The following LRRC31 variants were observed in gnomAD, a reference collection of about 807,000 sequenced individuals.
LRRC31 encodes leucine-rich repeat-containing protein 31.
A neutral mutation model predicts 46.7 loss-of-function variants in LRRC31; 35 were observed. The observed-to-expected ratio is 0.75, with a 90% CI of 0.57 to 0.99. The LOEUF is 0.99. LRRC31 is among the 50% of genes least tolerant of loss of function. LRRC31 has a pLI of 0.00. For missense variants in LRRC31, 613 were observed against 626.1 expected (o/e 0.98, Z 0.22); for synonymous variants, 236 against 235.1 (o/e 1.00, Z -0.03).
At chr3:169,861,596 CTGAG>C in intron 2 of LRRC31, 70 bp downstream of exon 2, 2 of 1,494,450 alleles carry the variant, frequency 1.3e-6, no homozygotes, top group Non-Finnish European at 1.8e-6. Flanking sequence ...AGGTGGGTAG[CTGAG>C]TATGTTTTAT....
At chr3:169,852,559 C>G (rs1780819844) in intron 6 of LRRC31, among the ~76,000 whole-genome samples, 1 of 152,148 alleles carries the variant, frequency 6.6e-6, no homozygotes, top group African/African-American at 2.4e-5. Context: ...ATTCTTTTCT[C>G]AGAATGTAAG....
At chr3:169,865,642 A>G (rs977800124) in intron 1 of LRRC31, among the ~76,000 whole-genome samples, 6 of 152,234 alleles carry the variant, frequency 3.9e-5, no homozygotes, top group Admixed American at 3.9e-4. Context: ...AGAGACAGCA[A>G]GAAAGCCACC....
chr3:169,869,134 G>A lies in LRRC31; in HGVS notation c.175+499C>T, dbSNP rs1781416904. 2.0e-5 allele frequency among the ~76,000 whole-genome samples: 3 copies of A among 151,892 alleles called. No homozygotes were observed. In the South Asian group the frequency reaches 6.4e-4, roughly 32 times the overall value. On this transcript the variant is annotated intron_variant, in intron 1 of 8. Coordinates refer to ENST00000316428, the MANE Select transcript of LRRC31 (RefSeq NM_024727.4). ...ACCTGTAATCCCAGCAGTTTGGGAG[G>A]CCAAGGCAGGAAAATCACCTGAGGT... is the stretch of plus-strand genomic sequence containing the variant.
At chr3:169,843,384 A>G (rs1780509235) in intron 8 of LRRC31, among the ~76,000 whole-genome samples, 1 of 152,216 alleles carries the variant, frequency 6.6e-6, no homozygotes. Flanking sequence ...TTATTCCTAG[A>G]GCCTTCAGAT....
chr3:169,846,834 A>G lies in LRRC31; in HGVS notation c.1327+1286T>C, dbSNP rs568771758. On this transcript the variant is annotated intron_variant, in intron 8 of 8. Transcript: ENST00000316428. ...ATTTAATATGTAAAACTGTATTGCT[A>G]TTTTTCATAGCTTCTGTTTTTTAAA... Among the ~76,000 whole-genome samples the G allele has an allele frequency of 6.1e-4, 93 of 152,236 alleles. 2 individuals carry two copies. The South Asian group carries it at 0.019, about 31-fold the overall frequency.
At chr3:169,857,491 G>C (rs983787594) in intron 3 of LRRC31, among the ~76,000 whole-genome samples, 4 of 144,220 alleles carry the variant, frequency 2.8e-5, no homozygotes, top group African/African-American at 2.6e-5. Context: ...TAGAGCATCA[G>C]GCACTAGAAG....
At chr3:169,852,660 G>A (rs1259229630) in intron 6 of LRRC31, among the ~76,000 whole-genome samples, 4 of 152,132 alleles carry the variant, frequency 2.6e-5, no homozygotes, top group Admixed American at 2.0e-4. Flanking sequence ...AATTACCCTC[G>A]TTCGCTATCT....
At position 169,839,304 on chromosome 3, in the gene LRRC31, A is replaced by C. The variant is rs1780378492; in HGVS notation, c.*678T>G. The stretch of plus-strand genomic sequence containing the variant: ...CTAACAAGATATGTTTTTCATACTG[A>C]GTTTTAGATTTTTAATCACTTTTTA... On this transcript the variant is annotated 3_prime_UTR_variant, in exon 9 of 9. Coordinates refer to ENST00000316428, the MANE Select transcript of LRRC31 (RefSeq NM_024727.4). 6.6e-6 allele frequency: 1 copy of C among 152,232 alleles called. No individual in the cohort carries two copies. The highest frequency in any genetic ancestry group is 2.1e-4 in the South Asian group (1 of 4,832). 9.4% of individuals were successfully genotyped at this position (152,232 alleles called of 1,614,324 possible).
At position 169,869,648 on chromosome 3, in the gene LRRC31, C is replaced by CT. The variant is rs759670046; in HGVS notation, c.159dup (p.Ala54SerfsTer7). On this transcript the variant is annotated frameshift_variant, in exon 1 of 9. Transcript: ENST00000316428. LOFTEE classifies it high-confidence loss of function. ...AGCAGCTTACCAGTCTCTGAGGTGG[C>CT]TGTCTTCTGTATCCAGTCGCTGGGT... 19 of 1,602,408 alleles carry CT rather than the reference C, an allele frequency of 1.2e-5. No homozygotes were observed. In the African/African-American group the frequency reaches 2.3e-4, roughly 19 times the overall value.
chr3:169,860,867 A>T, intron 2 of LRRC31, 139 bp from the exon 3 acceptor site: 1 of 765,356 alleles, frequency 1.3e-6, no homozygotes, highest in Non-Finnish European at 2.1e-6. Flanking sequence ...GACTTTGGGC[A>T]AAGCAGGGAG....
chr3:169,860,834 G>A (rs1781131127), intron 2 of LRRC31, 106 bp from the exon 3 acceptor site: 2 of 1,176,810 alleles, frequency 1.7e-6, no homozygotes, highest in Non-Finnish European at 2.4e-6. Context: ...CACTGTAAGA[G>A]AATAGACAGT....
chr3:169,856,817 A>T lies in LRRC31; in HGVS notation c.543T>A (p.Ser181Arg), dbSNP rs768993550. ...ELEELNLSWN[S>R]KVGGNLPLIL... is the part of the protein sequence containing the mutation. ...TCAGAGGCAAATTTCCTCCCACTTT[A>T]CTGTTCCAAGACAAATTTAGCTCTT... is the stretch of plus-strand genomic sequence containing the variant. Residue 181 changes from serine to arginine, a missense_variant, in exon 4 of 9, where the codon AGT (serine) becomes AGA (arginine). Ser to Arg is a moderately radical substitution (Grantham distance 110). Coordinates refer to ENST00000316428, the MANE Select transcript of LRRC31 (RefSeq NM_024727.4). The T allele has an allele frequency of 1.9e-6, 3 of 1,609,798 alleles. No homozygotes were observed. Among genetic ancestry groups the T allele is most frequent in the Admixed American group, 3.4e-5 (2 of 59,488 alleles).
At chr3:169,852,423 A>AAAC (rs1780814491) in intron 6 of LRRC31, among the ~76,000 whole-genome samples, 4 of 145,534 alleles carry the variant, frequency 2.7e-5, no homozygotes, top group Admixed American at 2.0e-4. Context: ...AAAAAAAAAA[A>AAAC]AAAAAAAACT....
rs750990534 is a variant in LRRC31 at position 169,869,863 on chromosome 3, T to A, written c.-56A>T. The A allele has an allele frequency of 3.9e-5, 56 of 1,443,914 alleles. No homozygotes were observed. The highest frequency in any genetic ancestry group is 5.2e-5 in the Non-Finnish European group (56 of 1,075,100). 89.4% of individuals were successfully genotyped at this position (1,443,914 alleles called of 1,614,324 possible). A position where few individuals can be genotyped will look rare whatever the true frequency, so the allele number is the denominator to read the frequency against. Reference sequence around the variant, plus strand: ...GACATCTTCCTGTTGCTTTCTGTTTTCTAGGATTTCTAAGAAGAAAAGAAG... The same window carrying A: ...GACATCTTCCTGTTGCTTTCTGTTTACTAGGATTTCTAAGAAGAAAAGAAG... On this transcript the variant is annotated 5_prime_UTR_variant, in exon 1 of 9. Transcript: ENST00000316428.
At position 169,851,706 on chromosome 3, in the gene LRRC31, A is replaced by C. The variant is rs1302302194; in HGVS notation, c.1072T>G (p.Leu358Val). Residue 358 changes from leucine (L) to valine (V), a missense_variant, in exon 7 of 9, where the codon TTA becomes GTA. Transcript: ENST00000316428. ...GGTAAAAATCGGAGCCTGCTGAGTA[A>C]GTTTTCAGAAGAACTGCCCATCTTT... is the stretch of plus-strand genomic sequence containing the variant. The part of the protein sequence containing the change: ...NKKMGSSSEN[L>V]LSRLRFLPAL... The C allele has an allele frequency of 6.2e-7, 1 of 1,614,038 alleles. No homozygotes were observed. The highest frequency in any genetic ancestry group is 1.3e-5 in the African/African-American group (1 of 74,898).
Position 169,839,281 on chromosome 3 carries a change from A to G in LRRC31, c.*701T>C, listed in dbSNP as rs1780377073. ...ACAATAAAAGGTTTTAATTTATTCT[A>G]ACAAGATATGTTTTTCATACTGAGT... On this transcript the variant is annotated 3_prime_UTR_variant, in exon 9 of 9. Transcript: ENST00000316428. The G allele has an allele frequency of 1.3e-5, 2 of 152,256 alleles. No homozygotes were observed. The highest frequency in any genetic ancestry group is 2.9e-5 in the Non-Finnish European group (2 of 68,044). 9.4% of individuals were successfully genotyped at this position (152,256 alleles called of 1,614,324 possible). A position where few individuals can be genotyped will look rare whatever the true frequency, so the allele number is the denominator to read the frequency against.
At chr3:169,842,742 C>T (rs1423442622) in intron 8 of LRRC31, among the ~76,000 whole-genome samples, 1 of 151,722 alleles carries the variant, frequency 6.6e-6, no homozygotes, top group Non-Finnish European at 1.5e-5. Flanking sequence ...AAAAAACTGT[C>T]AGTAAAAATT....
At chr3:169,859,332 G>T (rs1781076745) in intron 3 of LRRC31, among the ~76,000 whole-genome samples, 1 of 150,904 alleles carries the variant, frequency 6.6e-6, no homozygotes, top group Non-Finnish European at 1.5e-5. Flanking sequence ...TAGGCACTAG[G>T]ATTTGAAGTA....
chr3:169,839,977 T>A lies in LRRC31; in HGVS notation c.*5A>T, dbSNP rs780540542. 6.2e-7 allele frequency: 1 copy of A among 1,600,274 alleles called. No homozygotes were observed. Among genetic ancestry groups the A allele is most frequent in the Non-Finnish European group, 8.5e-7 (1 of 1,171,970 alleles). On this transcript the variant is annotated 3_prime_UTR_variant, in exon 9 of 9. Transcript: ENST00000316428. The stretch of plus-strand genomic sequence containing the variant: ...TTGTAGCTTAGTAGGACATGGGAAA[T>A]CAGTTTACTGAAACCCACCATGGTC...
Sources: allele counts gnomAD v4.1 joint callset (sites outside exome capture counted in the v4.1 genomes callset), GRCh38; gene constraint gnomAD v4.1.1; transcripts MANE v1.5; gene names NCBI Gene and HGNC (gene_info 2026-07-23, HGNC 2026-07-21).